The following PKP3 variants were observed in gnomAD, a reference collection of about 807,000 sequenced individuals.
The protein encoded by PKP3 is plakophilin-3.
PKP3 carries 66 observed loss-of-function variants against 76.5 expected under a neutral mutation model. The observed-to-expected ratio is 0.86, with a 90% CI of 0.71 to 1.06. The LOEUF (loss-of-function observed/expected upper bound fraction) is 1.06, where lower values mean the gene tolerates loss of function less well. Ranked by LOEUF, PKP3 falls within the 50% of genes least tolerant of loss-of-function variation. The pLI is 0.00. For missense variants in PKP3, 1,338 were observed against 1,141.0 expected, an observed-to-expected ratio of 1.17 and a Z score of -2.49; for synonymous variants, 638 against 516.5, an observed-to-expected ratio of 1.24 and a Z score of -3.19.
Position 403,764 on chromosome 11 carries a change from C to G in PKP3, c.2070C>G (p.Asp690Glu), listed in dbSNP as rs113114984. The change falls in exon 10 of 13, where the codon GAC (aspartate) becomes GAG (glutamate). Residue 690 changes from aspartate (D) to glutamate (E), a missense_variant. By Grantham distance (45) the Asp-to-Glu change is conservative (BLOSUM62 2). Coordinates refer to ENST00000331563, the MANE Select transcript of PKP3 (RefSeq NM_007183.4). ...TGTCTCGGAACGCTAGGAACAAGGA[C>G]GAGATGTGTGAGTCGGGCAGCCCCT... ...RNLSRNARNK[D>E]EMSTKVVSHL... 15 of 1,606,668 alleles carry G rather than the reference C, an allele frequency of 9.3e-6. No homozygotes were observed. The highest frequency in any genetic ancestry group is 2.2e-5 in the East Asian group (1 of 44,868).
In PKP3 at chr11:399,143, A is replaced by G; in HGVS notation, c.1220A>G (p.Glu407Gly). The G allele has an allele frequency of 6.2e-7, 1 of 1,611,646 alleles. No homozygotes were observed. The highest frequency in any genetic ancestry group is 1.1e-5 in the South Asian group (1 of 91,036). ...LALVEENGIF[E>G]LLRTLREQDD... ...CTGGTGGAGGAGAACGGGATCTTCG[A>G]GCTGCTGCGGACACTGCGGGAGCAG... is the stretch of plus-strand genomic sequence containing the variant. The change falls in exon 5 of 13, where the codon GAG becomes GGG. Residue 407 changes from glutamate (E) to glycine (G), a missense_variant. Transcript: ENST00000331563.
intron 1 of PKP3, among the ~76,000 whole-genome samples, chr11:395,133 C>A (rs978922884): frequency 9.9e-5 from 15 of 152,168 alleles, no homozygotes; most frequent in Non-Finnish European, 2.9e-5. Flanking sequence ...GGAATCCTGG[C>A]CCCACTCACG....
At position 403,162 on chromosome 11, in the gene PKP3, G is replaced by A; in HGVS notation, c.1822G>A (p.Val608Met). ...CGAGTGGCTGTGGAGCCCCCAGATC[G>A]TGGGGCTGTACAACCGGCTGCTGCA... ...GLEWLWSPQI[V>M]GLYNRLLQRC... is the part of the protein sequence containing the mutation. Residue 608 changes from valine to methionine, a missense_variant, in exon 9 of 13, where the codon GTG (valine) becomes ATG (methionine). Transcript: ENST00000331563. The A allele has an allele frequency of 6.3e-7, 1 of 1,585,676 alleles. No individual in the cohort carries two copies. The highest frequency in any genetic ancestry group is 8.6e-7 in the Non-Finnish European group (1 of 1,167,786).
rs947145090 is a variant in PKP3, at chr11:394,388, C to T, written c.96C>T (p.Gly32=). ...CTGACCTGCAGCTGGACCGCCGGGGCGCCGAGGGGCCGGAGGCCGAGCGGC... is the reference window on the plus strand; with the variant it reads ...CTGACCTGCAGCTGGACCGCCGGGGTGCCGAGGGGCCGGAGGCCGAGCGGC... ...LPSDLQLDRR[G]AEGPEAERLR... is the part of the protein sequence containing the mutation. The change falls in exon 1 of 13, where the codon GGC becomes GGT. Residue 32 remains glycine, a synonymous_variant. Coordinates refer to ENST00000331563, the MANE Select transcript of PKP3 (RefSeq NM_007183.4). The T allele has an allele frequency of 3.8e-5, 57 of 1,489,846 alleles. 1 individual carries two copies. The highest frequency in any genetic ancestry group is 2.6e-4 in the African/African-American group (18 of 68,294). The allele number at this position is 1,489,846 out of a possible 1,614,324, so 92.3% of individuals were successfully genotyped here.
Position 400,071 on chromosome 11 carries a change from G to A in PKP3, c.1378G>A (p.Gly460Arg), listed in dbSNP as rs865966546. Reference protein sequence around the residue: ...DLVLSPLSGAGGPPLIQQNAS... With the variant: ...DLVLSPLSGARGPPLIQQNAS... ...GGTGTTGAGCCCCCTGTCGGGGGCT[G>A]GGGGTCCCCCCCTCATCCAGCAGAA... Residue 460 changes from glycine (G) to arginine (R), a missense_variant, in exon 6 of 13, where the codon GGG (glycine) becomes AGG (arginine). By Grantham distance (125) the Gly-to-Arg change is moderately radical. Transcript: ENST00000331563. The A allele has an allele frequency of 6.2e-7, 1 of 1,600,876 alleles. No individual in the cohort carries two copies. The highest frequency in any genetic ancestry group is 1.3e-5 in the African/African-American group (1 of 74,446).
Position 403,775 on chromosome 11 carries a change from AGTC to A in PKP3, c.2077+6_2077+8del. The A allele has an allele frequency of 1.9e-6, 3 of 1,605,134 alleles. No individual in the cohort carries two copies. Among genetic ancestry groups the A allele is most frequent in the Non-Finnish European group, 2.5e-6 (3 of 1,179,786 alleles). On this transcript the variant is annotated splice_donor_5th_base_variant and intron_variant, in intron 10 of 12. Transcript: ENST00000331563. Reference sequence around the variant, plus strand: ...GCTAGGAACAAGGACGAGATGTGTGAGTCGGGCAGCCCCTCGTCCCTGCCCTGC... The same window carrying A: ...GCTAGGAACAAGGACGAGATGTGTGAGGGCAGCCCCTCGTCCCTGCCCTGC...
Position 400,706 on chromosome 11 carries a change from G to T in PKP3, c.1737+1G>T. Reference sequence around the variant, plus strand: ...GCCGCAGAGCCGGCGGCTGCGCGAGGTGGGCACCAGCCTGAGCGGGGCGTG... The same window carrying T: ...GCCGCAGAGCCGGCGGCTGCGCGAGTTGGGCACCAGCCTGAGCGGGGCGTG... On this transcript the variant is annotated splice_donor_variant, in intron 8 of 12. Coordinates refer to ENST00000331563, the MANE Select transcript of PKP3 (RefSeq NM_007183.4). LOFTEE classifies it high-confidence loss of function. 1.6e-6 allele frequency: 2 copies of T among 1,258,228 alleles called. No individual in the cohort carries two copies. The highest frequency in any genetic ancestry group is 1.0e-6 in the Non-Finnish European group (1 of 997,574). The allele number at this position is 1,258,228 out of a possible 1,614,324, so 77.9% of individuals were successfully genotyped here.
chr11:399,193 A>G lies in PKP3; in HGVS notation c.1270A>G (p.Thr424Ala). 6.3e-7 allele frequency: 1 copy of G among 1,578,008 alleles called. No homozygotes were observed. Among genetic ancestry groups the G allele is most frequent in the Non-Finnish European group, 8.6e-7 (1 of 1,161,132 alleles). ...EQDDELRKNVTGILWNLSSSD... is the reference protein window; with the variant it reads ...EQDDELRKNVAGILWNLSSSD... ...GGATGATGAGCTTCGCAAAAATGTC[A>G]CAGGTGCTGCCTGTCCCCTCCTCCA... is the stretch of plus-strand genomic sequence containing the variant. Residue 424 changes from threonine (T) to alanine (A), a missense_variant, in exon 5 of 13, where the codon ACA (threonine) becomes GCA (alanine). Transcript: ENST00000331563.
Position 403,748 on chromosome 11 carries a change from A to T in PKP3, c.2054A>T (p.Asn685Ile). ...LTGLIRNLSR[N>I]ARNKDEMSTK... ...GGCCTCATCCGAAACCTGTCTCGGA[A>T]CGCTAGGAACAAGGACGAGATGTGT... Residue 685 changes from asparagine to isoleucine, a missense_variant, in exon 10 of 13, where the codon AAC (asparagine) becomes ATC (isoleucine). Asn to Ile is a moderately radical substitution (Grantham distance 149). Transcript: ENST00000331563. 3.1e-6 allele frequency: 5 copies of T among 1,608,244 alleles called. No individual in the cohort carries two copies. Among genetic ancestry groups the T allele is most frequent in the Non-Finnish European group, 4.2e-6 (5 of 1,179,822 alleles).
In PKP3 at chr11:403,136, TC is replaced by T; in HGVS notation, c.1797del (p.Glu600SerfsTer47). The T allele has an allele frequency of 6.4e-7, 1 of 1,572,896 alleles. No individual in the cohort carries two copies. The highest frequency in any genetic ancestry group is 8.6e-7 in the Non-Finnish European group (1 of 1,161,410). Reference protein sequence around the residue: ...FAEVSKDPKGLEWLWSPQIVG... With the variant: ...FAEVSKDPKGXEWLWSPQIVG... ...GAGGTGTCCAAGGACCCCAAGGGCC[TC>T]GAGTGGCTGTGGAGCCCCCAGATCG... is the stretch of plus-strand genomic sequence containing the variant. On this transcript the variant is annotated frameshift_variant, in exon 9 of 13. Transcript: ENST00000331563. LOFTEE classifies it high-confidence loss of function.
intron 8 of PKP3, 28 bp downstream of exon 8, chr11:400,733 G>A: frequency 1.3e-5 from 16 of 1,189,184 alleles, no homozygotes; most frequent in Non-Finnish European, 1.7e-5. Flanking sequence ...CGGGGCGTGG[G>A]GTGGGTGCTG....
At chr11:400,207 C>T (rs1431605214) in intron 6 of PKP3, 66 bp downstream of exon 6, 17 of 1,430,452 alleles carry the variant, frequency 1.2e-5, no homozygotes, top group Non-Finnish European at 1.5e-5. Context: ...CTCCGCCTGG[C>T]CTGGCGTTCG....
intron 1 of PKP3, 72 bp downstream of exon 1, chr11:394,596 A>G: frequency 1.6e-6 from 2 of 1,218,486 alleles, no homozygotes; most frequent in South Asian, 2.0e-5. Context: ...TGATAGTGTG[A>G]GGGCAGAGGC....
intron 10 of PKP3, 28 bp downstream of exon 10, chr11:403,799 C>T (rs766509338): frequency 1.9e-6 from 3 of 1,601,382 alleles, no homozygotes; most frequent in Non-Finnish European, 2.5e-6. Context: ...TCGTCCCTGC[C>T]CTGCTGGACC....
chr11:394,784 G>A (rs930684061), intron 1 of PKP3, among the ~76,000 whole-genome samples: 1 of 152,230 alleles, frequency 6.6e-6, no homozygotes, highest in African/African-American at 2.4e-5. Context: ...CCATCCCTGT[G>A]GGGGATGACA....
chr11:394,502 G>T lies in PKP3; in HGVS notation c.210G>T (p.Glu70Asp). The change falls in exon 1 of 13, where the codon GAG becomes GAT. Residue 70 changes from glutamate to aspartate, a missense_variant. Glu to Asp is a conservative substitution (Grantham distance 45). Transcript: ENST00000331563. ...GGCACAACGGGGCCGCTGAGCCCGA[G>T]CCTGAGGCCGAGACTGCCAGAGGTA... ...QPRHNGAAEP[E>D]PEAETARGTS... 7.2e-7 allele frequency: 1 copy of T among 1,393,160 alleles called. No homozygotes were observed. Among genetic ancestry groups the T allele is most frequent in the Non-Finnish European group, 9.2e-7 (1 of 1,081,410 alleles). The allele number at this position is 1,393,160 out of a possible 1,614,324, so 86.3% of individuals were successfully genotyped here.
Position 404,606 on chromosome 11 carries a change from CG to C in PKP3, c.*38del, listed in dbSNP as rs1564883836. 6.2e-7 allele frequency: 1 copy of C among 1,602,112 alleles called. No homozygotes were observed. The highest frequency in any genetic ancestry group is 1.7e-5 in the Admixed American group (1 of 59,962). On this transcript the variant is annotated 3_prime_UTR_variant, in exon 13 of 13. Transcript: ENST00000331563. This position sits in a 1 kb window ranked among gnomAD's most constrained non-coding sequence, Gnocchi z 4.2. ...TGGAGGAGAAGGTGACGTGGCCCAGCGTCCAAGGGACAGACTCAGCTCCAGG... is the reference window on the plus strand; with the variant it reads ...TGGAGGAGAAGGTGACGTGGCCCAGCTCCAAGGGACAGACTCAGCTCCAGG...
chr11:398,837 T>C (rs1264267596), intron 4 of PKP3, among the ~76,000 whole-genome samples, 155 bp from the exon 5 acceptor site: 1 of 149,734 alleles, frequency 6.7e-6, no homozygotes, highest in African/African-American at 2.5e-5. Context: ...CACACCTCCG[T>C]CACCTCCCTA....
Position 404,060 on chromosome 11 carries a change from GC to G in PKP3, c.2199del (p.Ile734SerfsTer66). ...IAVLNNLVVASPIAARDLLYF... is the reference protein window; with the variant it reads ...IAVLNNLVVAXPIAARDLLYF... ...GTGCTCAACAACCTGGTGGTGGCCA[GC>G]CCCATCGCTGCCCGAGACCTGCTGT... On this transcript the variant is annotated frameshift_variant, in exon 11 of 13. Coordinates refer to ENST00000331563, the MANE Select transcript of PKP3 (RefSeq NM_007183.4). LOFTEE classifies it high-confidence loss of function. This position sits in a 1 kb window ranked among gnomAD's most constrained non-coding sequence, Gnocchi z 4.2. 6.2e-7 allele frequency: 1 copy of G among 1,612,548 alleles called. No individual in the cohort carries two copies. Among genetic ancestry groups the G allele is most frequent in the South Asian group, 1.1e-5 (1 of 91,084 alleles).
Sources: gnomAD v4.1 joint callset for allele counts (sites outside exome capture counted in the v4.1 genomes callset) on GRCh38, gnomAD v4.1.1 for gene constraint, Gnocchi (gnomAD v3.1) non-coding constraint, MANE v1.5 for transcripts, NCBI Gene and HGNC (gene_info 2026-07-23, HGNC 2026-07-21) for gene names.